Variants in FRMD4B observed in about 807,000 individuals in gnomAD.
The protein encoded by FRMD4B is FERM domain-containing protein 4B.
Under a neutral mutation model 141.5 loss-of-function variants are expected in FRMD4B, and 74 were observed. The ratio of observed to expected loss-of-function variants is 0.52; its 90% CI spans 0.43 to 0.63. FRMD4B has a LOEUF of 0.63. FRMD4B is among the 30% of genes least tolerant of loss of function. The pLI, the probability that FRMD4B is intolerant of heterozygous loss-of-function variation, is 0.00. For synonymous variants in FRMD4B, 506 were observed against 467.9 expected, an observed-to-expected ratio of 1.08 and a Z score of -1.05; for missense variants, 1,366 against 1,253.4, an observed-to-expected ratio of 1.09 and a Z score of -1.36.
At chr3:69,225,461 G>T (rs1487618659) in intron 7 of FRMD4B, among the ~76,000 whole-genome samples, 2 of 142,044 alleles carry the variant, frequency 1.4e-5, no homozygotes, top group African/African-American at 2.6e-5. Context: ...AGATCACAAG[G>T]TCAGGAGATT....
At chr3:69,309,933 T>C (rs190440091) in intron 3 of FRMD4B, among the ~76,000 whole-genome samples, 12 of 152,322 alleles carry the variant, frequency 7.9e-5, no homozygotes, top group Admixed American at 6.5e-4. Flanking sequence ...ATTCAGCCTA[T>C]GTGTGTGCGT....
rs748656230 is a variant in FRMD4B, at chr3:69,182,585, G to A, written c.2039+13C>T. ...TCAAGACAGCTAAAGCAATGAGAAA[G>A]AAGCTCTCTTACTCCAAGTGGCTGC... On this transcript the variant is annotated intron_variant, in intron 20 of 22. Coordinates refer to ENST00000398540, the MANE Select transcript of FRMD4B (RefSeq NM_015123.3). The A allele has an allele frequency of 6.3e-7, 1 of 1,592,116 alleles. No homozygotes were observed. The highest frequency in any genetic ancestry group is 1.4e-5 in the African/African-American group (1 of 73,514).
chr3:69,271,440 G>A (rs1187873906), intron 5 of FRMD4B, among the ~76,000 whole-genome samples: 1 of 152,096 alleles, frequency 6.6e-6, no homozygotes, highest in East Asian at 1.9e-4. Flanking sequence ...ACCCTCTTAG[G>A]GAGGTGACAG....
At chr3:69,261,785 GCCT>G (rs749108393) in intron 5 of FRMD4B, among the ~76,000 whole-genome samples, 1 of 152,138 alleles carries the variant, frequency 6.6e-6, no homozygotes, top group Non-Finnish European at 1.5e-5. Context: ...CAATTCTCCT[GCCT>G]CAGCCTCCTG....
At chr3:69,343,577 G>GTTTTTTTTT (rs66705405) in intron 1 of FRMD4B, among the ~76,000 whole-genome samples, 1 of 126,538 alleles carries the variant, frequency 7.9e-6, no homozygotes, top group African/African-American at 3.0e-5. Flanking sequence ...ACAGTTTTTT[G>GTTTTTTTTT]TTTTTTTTTT....
chr3:69,458,428 G>C (rs1175714294), intron 1 of FRMD4B, among the ~76,000 whole-genome samples: 1 of 152,176 alleles, frequency 6.6e-6, no homozygotes, highest in Non-Finnish European at 1.5e-5. Context: ...CTGAGATTTA[G>C]CATGGATTTC....
At chr3:69,453,447 G>A (rs1705531167) in intron 1 of FRMD4B, among the ~76,000 whole-genome samples, 1 of 152,224 alleles carries the variant, frequency 6.6e-6, no homozygotes, top group African/African-American at 2.4e-5. Context: ...GAAAGCACAT[G>A]TATGTAAAAG....
intron 1 of FRMD4B, among the ~76,000 whole-genome samples, chr3:69,461,573 G>A (rs1705707479): frequency 8.3e-6 from 1 of 120,648 alleles, no homozygotes; most frequent in Non-Finnish European, 1.6e-5. Context: ...ATAGTGAGCT[G>A]TGATTGCATC....
chr3:69,284,849 A>T (rs1700616439), intron 5 of FRMD4B, among the ~76,000 whole-genome samples: 1 of 152,214 alleles, frequency 6.6e-6, no homozygotes, highest in South Asian at 2.1e-4. Context: ...AAAAGGATCC[A>T]AATCAAACCT....
At chr3:69,416,261 G>T (rs1704857437) in intron 2 of FRMD4B, among the ~76,000 whole-genome samples, 1 of 152,188 alleles carries the variant, frequency 6.6e-6, no homozygotes, top group South Asian at 2.1e-4. Flanking sequence ...CTTTCTGGGA[G>T]AAATTGCTTT....
intron 2 of FRMD4B, among the ~76,000 whole-genome samples, chr3:69,398,913 A>G (rs1254659780): frequency 1.3e-5 from 2 of 152,178 alleles, no homozygotes; most frequent in Non-Finnish European, 2.9e-5. Context: ...TGTAACATAT[A>G]TATATATAAG....
At chr3:69,471,032 A>C (rs1381264215) in intron 1 of FRMD4B, among the ~76,000 whole-genome samples, 1 of 152,194 alleles carries the variant, frequency 6.6e-6, no homozygotes, top group Admixed American at 6.5e-5. Flanking sequence ...ACACGCAGTA[A>C]ACACAAACTG....
intron 1 of FRMD4B, among the ~76,000 whole-genome samples, chr3:69,374,009 T>C (rs1348273143): frequency 1.3e-5 from 2 of 152,160 alleles, no homozygotes; most frequent in African/African-American, 4.8e-5. Context: ...TTACAGAAGA[T>C]AAAATGAGGC....
intron 4 of FRMD4B, among the ~76,000 whole-genome samples, chr3:69,293,847 C>G (rs1314078442): frequency 8.0e-6 from 1 of 124,400 alleles, no homozygotes; most frequent in South Asian, 2.7e-4. Context: ...TGCCACTGCA[C>G]TCTAGCCTGG....
At chr3:69,247,532 G>C (rs975538591) in intron 7 of FRMD4B, among the ~76,000 whole-genome samples, 4 of 152,198 alleles carry the variant, frequency 2.6e-5, no homozygotes, top group Admixed American at 2.6e-4. Context: ...CGTCACCCAG[G>C]CTGGAGTGCA....
chr3:69,367,268 T>TTC (rs1703693395), intron 1 of FRMD4B, among the ~76,000 whole-genome samples: 3 of 152,190 alleles, frequency 2.0e-5, no homozygotes, highest in Admixed American at 2.0e-4. Flanking sequence ...TATAAAATAT[T>TTC]TGATTTCAGA....
In FRMD4B at chr3:69,253,181, CTA is replaced by C. The variant is rs1491465312; in HGVS notation, c.502-3084_502-3083del. Among the ~76,000 whole-genome samples the C allele has an allele frequency of 1.1e-4, 13 of 121,950 alleles. 4 individuals carry two copies. The highest frequency in any genetic ancestry group is 2.7e-4 in the Admixed American group (3 of 11,142). 80.0% of individuals were successfully genotyped at this position (121,950 alleles called of 152,430 possible). On this transcript the variant is annotated intron_variant, in intron 5 of 22. Coordinates refer to ENST00000398540, the MANE Select transcript of FRMD4B (RefSeq NM_015123.3). ...AGGGAAATTAGTGAAAATATGATTCCTATTTTTTTTTTTTTTTTTTTTTGCAG... is the reference window on the plus strand; with the variant it reads ...AGGGAAATTAGTGAAAATATGATTCCTTTTTTTTTTTTTTTTTTTTTGCAG...
chr3:69,494,285 T>C (rs987981554), intron 1 of FRMD4B, among the ~76,000 whole-genome samples: 2 of 152,324 alleles, frequency 1.3e-5, no homozygotes, highest in African/African-American at 4.8e-5. Context: ...TAGAAATAGA[T>C]GTGGTCACTA....
chr3:69,374,286 C>T (rs570360407), intron 1 of FRMD4B, among the ~76,000 whole-genome samples: 6 of 152,284 alleles, frequency 3.9e-5, no homozygotes, highest in African/African-American at 1.4e-4. Flanking sequence ...GGCTCAAGGT[C>T]GTATAGCCGA....
Sources: allele counts gnomAD v4.1 joint callset (sites outside exome capture counted in the v4.1 genomes callset), GRCh38; gene constraint gnomAD v4.1.1; transcripts MANE v1.5; gene names NCBI Gene and HGNC (gene_info 2026-07-23, HGNC 2026-07-21).